NDUFAF2: variants seen among roughly 807,000 people sequenced by gnomAD.
NDUFAF2 encodes NADH:ubiquinone oxidoreductase complex assembly factor 2, also known as NADH dehydrogenase [ubiquinone] 1 alpha subcomplex assembly factor 2.
Under a neutral mutation model 22.8 loss-of-function variants are expected in NDUFAF2, and 13 were observed. The observed-to-expected ratio is 0.57, with a 90% confidence interval of 0.37 to 0.91. The LOEUF (loss-of-function observed/expected upper bound fraction) is 0.91, where lower values mean the gene tolerates loss of function less well. Among genes scored for constraint, NDUFAF2 ranks in the 40% least tolerant of loss-of-function variants. The probability of loss-of-function intolerance (pLI) is 0.01; values close to 1 mark genes in which losing one functional copy is unlikely to be tolerated. For missense variants in NDUFAF2, 162 were observed against 195.2 expected, an observed-to-expected ratio of 0.83 and a Z score of 1.01; for synonymous variants, 53 against 64.2, an observed-to-expected ratio of 0.83 and a Z score of 0.84.
At chr5:60,992,905 G>T (rs1268628693) in intron 1 of NDUFAF2, among the ~76,000 whole-genome samples, 3 of 152,170 alleles carry the variant, frequency 2.0e-5, no homozygotes, top group Admixed American at 2.0e-4. Context: ...CTTCTTGCAG[G>T]ATCCTTAAGG....
At chr5:60,973,613 G>GT (rs1750864546) in intron 1 of NDUFAF2, among the ~76,000 whole-genome samples, 1 of 152,248 alleles carries the variant, frequency 6.6e-6, no homozygotes, top group Admixed American at 6.5e-5. Flanking sequence ...AAGGAGTAAC[G>GT]TAAGTTATGC....
At chr5:61,010,779 G>A (rs967865705) in intron 1 of NDUFAF2, among the ~76,000 whole-genome samples, 1 of 151,982 alleles carries the variant, frequency 6.6e-6, no homozygotes, top group Non-Finnish European at 1.5e-5. Flanking sequence ...CACTACATTC[G>A]CTCTTTTCTG....
chr5:61,136,029 ATATATATATATATC>A (rs1190137833), intron 3 of NDUFAF2, among the ~76,000 whole-genome samples: 3 of 109,470 alleles, frequency 2.7e-5, no homozygotes, highest in Admixed American at 9.0e-5. Flanking sequence ...ATATATATAT[ATATATATATATATC>A]TAGGGTGGAT....
chr5:61,097,183 A>C (rs559932723), intron 2 of NDUFAF2, among the ~76,000 whole-genome samples: 1 of 150,544 alleles, frequency 6.6e-6, no homozygotes, highest in Non-Finnish European at 1.5e-5. Flanking sequence ...TTTTATGAAG[A>C]CAAGTCCTGG....
chr5:61,006,631 G>A (rs1751370307), intron 1 of NDUFAF2, among the ~76,000 whole-genome samples: 1 of 152,092 alleles, frequency 6.6e-6, no homozygotes, highest in Non-Finnish European at 1.5e-5. Context: ...GCACTGATTT[G>A]TAGTTCTCCT....
chr5:61,070,263 A>T (rs576571126), intron 1 of NDUFAF2, among the ~76,000 whole-genome samples: 1 of 152,268 alleles, frequency 6.6e-6, no homozygotes, highest in Admixed American at 6.5e-5. Flanking sequence ...TTGTCTTTAC[A>T]AATATTGCAT....
At chr5:61,137,001 T>C (rs958745553) in intron 3 of NDUFAF2, among the ~76,000 whole-genome samples, 2 of 152,172 alleles carry the variant, frequency 1.3e-5, no homozygotes, top group African/African-American at 4.8e-5. Flanking sequence ...AGCTACAGAG[T>C]AAGCTGAGAG....
At chr5:60,948,004 G>T (rs1459868201) in intron 1 of NDUFAF2, among the ~76,000 whole-genome samples, 1 of 151,816 alleles carries the variant, frequency 6.6e-6, no homozygotes, top group Non-Finnish European at 1.5e-5. Context: ...AAAAAAAATT[G>T]CCCATGCTTA....
At chr5:61,086,502 A>G (rs994803508) in intron 2 of NDUFAF2, among the ~76,000 whole-genome samples, 1 of 152,182 alleles carries the variant, frequency 6.6e-6, no homozygotes, top group African/African-American at 2.4e-5. Flanking sequence ...TCACACTTAT[A>G]TGGTCAATTG....
intron 1 of NDUFAF2, among the ~76,000 whole-genome samples, chr5:61,026,754 T>G (rs1751654976): frequency 6.6e-6 from 1 of 152,080 alleles, no homozygotes; most frequent in Non-Finnish European, 1.5e-5. Context: ...AGTTACCTTT[T>G]CAAGGAAATT....
At chr5:61,136,039 A>ATC (rs1740931714) in intron 3 of NDUFAF2, among the ~76,000 whole-genome samples, 1 of 103,426 alleles carries the variant, frequency 9.7e-6, no homozygotes, top group Non-Finnish European at 2.0e-5. Context: ...ATATATATAT[A>ATC]TATCTAGGGT....
chr5:61,093,017 A>G (rs1476318729), intron 2 of NDUFAF2, among the ~76,000 whole-genome samples: 1 of 152,190 alleles, frequency 6.6e-6, no homozygotes, highest in East Asian at 1.9e-4. Flanking sequence ...AAGGCCCAAG[A>G]GTCCCTGGCA....
At chr5:61,151,794 C>T (rs1388267780) in intron 3 of NDUFAF2, among the ~76,000 whole-genome samples, 1 of 88,472 alleles carries the variant, frequency 1.1e-5, no homozygotes, top group African/African-American at 3.4e-5. Context: ...AACTCCGTCT[C>T]AAAAAAACAA....
chr5:60,976,921 A>C (rs1269283007), intron 1 of NDUFAF2, among the ~76,000 whole-genome samples: 2 of 152,114 alleles, frequency 1.3e-5, no homozygotes, highest in African/African-American at 4.8e-5. Context: ...TCATCTTTTT[A>C]GTAAATAATT....
intron 3 of NDUFAF2, among the ~76,000 whole-genome samples, chr5:61,144,142 A>G (rs937159549): frequency 3.9e-5 from 6 of 152,090 alleles, no homozygotes; most frequent in African/African-American, 1.4e-4. Context: ...ATACTTTTGA[A>G]GTCTATTATT....
chr5:61,036,871 C>G (rs560569785), intron 1 of NDUFAF2, among the ~76,000 whole-genome samples: 1 of 152,076 alleles, frequency 6.6e-6, no homozygotes, highest in East Asian at 1.9e-4. Flanking sequence ...TAGCTGGATC[C>G]CACTGGAAGC....
intron 2 of NDUFAF2, among the ~76,000 whole-genome samples, chr5:61,090,888 G>A (rs575332798): frequency 2.6e-5 from 4 of 152,018 alleles, no homozygotes; most frequent in Non-Finnish European, 5.9e-5. Flanking sequence ...CTCTCTAGGT[G>A]TCCATGTGTT....
intron 1 of NDUFAF2, among the ~76,000 whole-genome samples, chr5:61,042,691 G>A (rs369528236): frequency 6.6e-6 from 1 of 152,094 alleles, no homozygotes; most frequent in South Asian, 2.1e-4. Flanking sequence ...TAAAACTATG[G>A]TAGTGAATTC....
At chr5:61,073,083 A>G (rs1202672583) in intron 1 of NDUFAF2, 42 bp from the exon 2 acceptor site, 2 of 1,221,548 alleles carry the variant, frequency 1.6e-6, no homozygotes, top group Admixed American at 1.7e-5. Flanking sequence ...CTACTGTATC[A>G]TAGGTTCATT....
Sources: allele counts gnomAD v4.1 joint callset (sites outside exome capture counted in the v4.1 genomes callset), GRCh38; gene constraint gnomAD v4.1.1; transcripts MANE v1.5; gene names NCBI Gene and HGNC (gene_info 2026-07-23, HGNC 2026-07-21).